The following MAGI1 variants were observed in gnomAD, a reference collection of about 807,000 sequenced individuals.
MAGI1 encodes the protein membrane-associated guanylate kinase, WW and PDZ domain-containing protein 1.
MAGI1 carries 58 observed loss-of-function variants against 139.9 expected under a neutral mutation model. The ratio of observed to expected loss-of-function variants is 0.41; its 90% CI spans 0.34 to 0.52. The LOEUF (loss-of-function observed/expected upper bound fraction) is 0.52. Among genes scored for constraint, MAGI1 ranks in the 20% least tolerant of loss-of-function variants. The probability of loss-of-function intolerance (pLI) is 0.12; values close to 1 mark genes in which losing one functional copy is unlikely to be tolerated. For synonymous variants in MAGI1, 812 were observed against 737.9 expected (o/e 1.10, Z -1.63); for missense variants, 1,874 against 1,901.6 (o/e 0.99, Z 0.27).
At chr3:65,807,797 T>C (rs1178796791) in intron 1 of MAGI1, among the ~76,000 whole-genome samples, 2 of 152,142 alleles carry the variant, frequency 1.3e-5, no homozygotes, top group Non-Finnish European at 2.9e-5. Context: ...AACGTGATAA[T>C]CCTCAGAGCA....
intron 1 of MAGI1, among the ~76,000 whole-genome samples, chr3:65,746,429 A>G (rs543158695): frequency 6.6e-6 from 1 of 152,350 alleles, no homozygotes; most frequent in African/African-American, 2.4e-5. Flanking sequence ...ATATAGGATG[A>G]TAAATGTTTC....
At chr3:65,591,777 C>G (rs9311946) in intron 2 of MAGI1, among the ~76,000 whole-genome samples, 78,471 of 152,066 alleles carry the variant, frequency 0.52, 20,777 homozygotes, top group East Asian at 0.8. Context: ...GCAGGTACCA[C>G]TTCTGCCACA....
intron 14 of MAGI1, among the ~76,000 whole-genome samples, chr3:65,390,371 T>C (rs895028934): frequency 2.6e-5 from 4 of 152,118 alleles, no homozygotes; most frequent in African/African-American, 9.7e-5. Context: ...CTGACCATTA[T>C]AAGAAAACAT....
At chr3:65,928,294 C>T (rs60122748) in intron 1 of MAGI1, among the ~76,000 whole-genome samples, 3,061 of 152,262 alleles carry the variant, frequency 0.02, 74 homozygotes, top group African/African-American at 0.056. Flanking sequence ...AGGAAATTGG[C>T]AAACACTACA....
Position 65,597,356 on chromosome 3 carries a change from G to A in MAGI1, c.430+24616C>T, listed in dbSNP as rs555307429. On this transcript the variant is annotated intron_variant, in intron 2 of 22. Coordinates refer to ENST00000402939, the MANE Select transcript of MAGI1 (RefSeq NM_001033057.2). ...GAATGCACTTCATTAAAATTTAGCT[G>A]CCCGATTCCAACCTGCAATGCGGAG... 1.8e-4 allele frequency among the ~76,000 whole-genome samples: 26 copies of A among 146,734 alleles called. No individual in the cohort carries two copies. In the East Asian group the frequency reaches 5.3e-3, roughly 30 times the overall value.
chr3:66,023,413 T>C (rs762805223), intron 1 of MAGI1, among the ~76,000 whole-genome samples: 13 of 152,198 alleles, frequency 8.5e-5, no homozygotes, highest in African/African-American at 1.2e-4. Context: ...AAATTTCTCA[T>C]CTGAATTACC....
intron 6 of MAGI1, 166 bp from the exon 7 acceptor site, chr3:65,448,223 C>T (rs777534304): frequency 3.3e-5 from 22 of 659,716 alleles, no homozygotes; most frequent in East Asian, 1.1e-4. Flanking sequence ...AGTAAACTTG[C>T]GACCTCAGTG....
At chr3:65,867,546 G>C (rs73832997) in intron 1 of MAGI1, among the ~76,000 whole-genome samples, 2,312 of 152,184 alleles carry the variant, frequency 0.015, 56 homozygotes, top group African/African-American at 0.052. Context: ...ACTAGCCTAG[G>C]CAACATATGG....
chr3:65,760,992 T>A (rs1287629328), intron 1 of MAGI1, among the ~76,000 whole-genome samples: 1 of 152,166 alleles, frequency 6.6e-6, no homozygotes, highest in Non-Finnish European at 1.5e-5. Context: ...ATTTTAAACA[T>A]ATGTAGCGCC....
At chr3:65,830,887 A>G (rs2042485366) in intron 1 of MAGI1, among the ~76,000 whole-genome samples, 1 of 152,194 alleles carries the variant, frequency 6.6e-6, no homozygotes, top group Middle Eastern at 3.2e-3. Flanking sequence ...GAAGCAAACA[A>G]GCATGCAAAA....
intron 2 of MAGI1, among the ~76,000 whole-genome samples, chr3:65,521,184 G>C (rs113635045): frequency 1.8e-4 from 28 of 151,922 alleles, no homozygotes; most frequent in African/African-American, 5.3e-4. Context: ...ATCTCTGTTA[G>C]AGATACTACT....
At chr3:65,696,077 T>A (rs562673143) in intron 1 of MAGI1, among the ~76,000 whole-genome samples, 19 of 152,168 alleles carry the variant, frequency 1.2e-4, no homozygotes, top group Non-Finnish European at 2.5e-4. Flanking sequence ...TCCCACCAAA[T>A]GGGTTCCAGC....
At chr3:65,897,683 A>C (rs1469960880) in intron 1 of MAGI1, among the ~76,000 whole-genome samples, 1 of 151,920 alleles carries the variant, frequency 6.6e-6, no homozygotes, top group African/African-American at 2.4e-5. Context: ...AACAAAAAAG[A>C]ACCTGTCTCC....
At chr3:65,832,016 A>G (rs10510946) in intron 1 of MAGI1, among the ~76,000 whole-genome samples, 14,025 of 152,162 alleles carry the variant, frequency 0.092, 1,067 homozygotes, top group South Asian at 0.22. Flanking sequence ...ATTACCATTT[A>G]TCAGGAGGTC....
At chr3:65,652,987 ATG>A (rs1388385511) in intron 1 of MAGI1, among the ~76,000 whole-genome samples, 1 of 152,198 alleles carries the variant, frequency 6.6e-6, no homozygotes, top group East Asian at 1.9e-4. Flanking sequence ...AGTCCAGGAC[ATG>A]TGAGTCATCA....
chr3:65,661,919 T>C (rs1246842013), intron 1 of MAGI1, among the ~76,000 whole-genome samples: 1 of 151,878 alleles, frequency 6.6e-6, no homozygotes, highest in South Asian at 2.1e-4. Context: ...GGCTAAATTT[T>C]TGTATTTTTA....
intron 2 of MAGI1, among the ~76,000 whole-genome samples, chr3:65,613,090 A>AC (rs1408996381): frequency 3.3e-5 from 5 of 152,142 alleles, no homozygotes; most frequent in Admixed American, 2.6e-4. Flanking sequence ...CAGGCAGAAA[A>AC]ATAAACCAAG....
At chr3:65,863,248 T>C (rs2108450902) in intron 1 of MAGI1, among the ~76,000 whole-genome samples, 1 of 152,312 alleles carries the variant, frequency 6.6e-6, no homozygotes, top group Middle Eastern at 3.4e-3. Flanking sequence ...GCTACCAGAA[T>C]AGACAGAACA....
At chr3:65,519,291 T>A (rs1000041481) in intron 2 of MAGI1, among the ~76,000 whole-genome samples, 4 of 151,020 alleles carry the variant, frequency 2.6e-5, no homozygotes, top group Non-Finnish European at 4.4e-5. Flanking sequence ...ATGAGGAAGA[T>A]GGGAAGCCAC....
Sources: gnomAD v4.1 joint callset for allele counts (sites outside exome capture counted in the v4.1 genomes callset) on GRCh38, gnomAD v4.1.1 for gene constraint, MANE v1.5 for transcripts, NCBI Gene and HGNC (gene_info 2026-07-23, HGNC 2026-07-21) for gene names.